The following MAD1L1 variants were observed in gnomAD, a reference collection of about 807,000 sequenced individuals.
MAD1L1 encodes the protein mitotic arrest deficient 1 like 1, also known as mitotic spindle assembly checkpoint protein MAD1.
In MAD1L1, 95 loss-of-function variants were observed where a neutral mutation model predicts 96.9. The ratio of observed to expected loss-of-function variants is 0.98; its 90% CI spans 0.83 to 1.16. MAD1L1 has a LOEUF of 1.16. Among genes scored for constraint, MAD1L1 ranks in the 50% most tolerant of loss-of-function variants. The pLI, the probability that MAD1L1 is intolerant of heterozygous loss-of-function variation, is 0.00. For missense variants in MAD1L1, 1,007 were observed against 954.4 expected, an observed-to-expected ratio of 1.06 and a Z score of -0.73; for synonymous variants, 473 against 396.6, an observed-to-expected ratio of 1.19 and a Z score of -2.29.
Position 1,884,094 on chromosome 7 carries a change from G to A in MAD1L1, c.1998+14106C>T, listed in dbSNP as rs971659623. 7.9e-5 allele frequency among the ~76,000 whole-genome samples: 12 copies of A among 152,364 alleles called. 1 individual carries two copies. The highest frequency in any genetic ancestry group is 3.4e-3 in the Middle Eastern group (1 of 294). The stretch of plus-strand genomic sequence containing the variant: ...ATTCGAGAGAGCATGTGGCCAACAG[G>A]AGGCAGCACTGGGACCGCAAGCCAG... On this transcript the variant is annotated intron_variant, in intron 18 of 18. Coordinates refer to ENST00000265854, the MANE Select transcript of MAD1L1 (RefSeq NM_001013836.2).
chr7:2,205,518 A>G (rs1792554050), intron 10 of MAD1L1, among the ~76,000 whole-genome samples: 1 of 152,074 alleles, frequency 6.6e-6, no homozygotes, highest in Admixed American at 6.5e-5. Context: ...CACCCCTATC[A>G]TTGCATCCCC....
chr7:1,914,020 TC>T (rs34116866), intron 17 of MAD1L1, among the ~76,000 whole-genome samples: 48,160 of 151,174 alleles, frequency 0.32, 8,552 homozygotes, highest in East Asian at 0.46. Flanking sequence ...TGGGCAGGTC[TC>T]CCCCCCCAGC....
At chr7:2,165,868 C>T (rs778532248) in intron 10 of MAD1L1, among the ~76,000 whole-genome samples, 51 of 152,270 alleles carry the variant, frequency 3.3e-4, no homozygotes, top group Admixed American at 7.8e-4. Flanking sequence ...TGCCCACAGC[C>T]CCGCTGACAA....
intron 15 of MAD1L1, among the ~76,000 whole-genome samples, chr7:1,965,087 A>G (rs1439366710): frequency 2.0e-5 from 3 of 152,208 alleles, no homozygotes; most frequent in Non-Finnish European, 4.4e-5. Context: ...CCACGTTTCC[A>G]GCCCTGATCA....
intron 12 of MAD1L1, among the ~76,000 whole-genome samples, chr7:2,047,004 C>T (rs2128514795): frequency 6.6e-6 from 1 of 152,338 alleles, no homozygotes; most frequent in African/African-American, 2.4e-5. Flanking sequence ...GAATGGCCAC[C>T]AGCGCGCACA....
chr7:2,013,827 C>CCG (rs1474845701), intron 13 of MAD1L1, among the ~76,000 whole-genome samples: 1 of 152,080 alleles, frequency 6.6e-6, no homozygotes, highest in Admixed American at 6.5e-5. Flanking sequence ...GACGTGGCCT[C>CCG]CGCCCAGGCC....
chr7:2,124,441 G>A (rs1788133378), intron 11 of MAD1L1, among the ~76,000 whole-genome samples: 1 of 152,238 alleles, frequency 6.6e-6, no homozygotes, highest in African/African-American at 2.4e-5. Flanking sequence ...TGGGAGATGA[G>A]TGGGCAGAAG....
intron 18 of MAD1L1, among the ~76,000 whole-genome samples, chr7:1,831,845 A>C (rs1357872981): frequency 6.6e-6 from 1 of 152,224 alleles, no homozygotes. Flanking sequence ...TGAATATTTT[A>C]AGCCCACTGT....
At chr7:1,985,405 A>G (rs4721282) in intron 14 of MAD1L1, among the ~76,000 whole-genome samples, 56,051 of 152,138 alleles carry the variant, frequency 0.37, 10,612 homozygotes, top group East Asian at 0.56. Context: ...TCTGCTGTGC[A>G]CAGATGCAGA....
At position 1,915,133 on chromosome 7, in the gene MAD1L1, G is replaced by C. The variant is rs533803289; in HGVS notation, c.1808-16743C>G. Reference sequence around the variant, plus strand: ...TTCATTCACCCAGCAGGTATGTGTGGAGAGGTGCTGGGCGCCTGGTAACAC... The same window carrying C: ...TTCATTCACCCAGCAGGTATGTGTGCAGAGGTGCTGGGCGCCTGGTAACAC... On this transcript the variant is annotated intron_variant, in intron 17 of 18. Transcript: ENST00000265854. Among the ~76,000 whole-genome samples the C allele has an allele frequency of 7.9e-5, 12 of 152,308 alleles. 1 individual carries two copies. In the South Asian group the frequency reaches 2.5e-3, roughly 32 times the overall value.
intron 12 of MAD1L1, among the ~76,000 whole-genome samples, chr7:2,037,363 C>T (rs757224287): frequency 7.9e-5 from 12 of 152,200 alleles, no homozygotes; most frequent in Non-Finnish European, 1.0e-4. Context: ...GACCCAGGCA[C>T]GCCTTGCTCT....
chr7:1,912,058 C>A (rs1283365972), intron 17 of MAD1L1, among the ~76,000 whole-genome samples: 1 of 152,228 alleles, frequency 6.6e-6, no homozygotes, highest in Non-Finnish European at 1.5e-5. Flanking sequence ...TGGCCAAACC[C>A]AGAAGTCTGC....
intron 11 of MAD1L1, among the ~76,000 whole-genome samples, chr7:2,112,614 A>C (rs917962191): frequency 2.0e-5 from 3 of 152,208 alleles, no homozygotes. Context: ...TGGGCTTCTC[A>C]AGACCAAGGA....
chr7:1,859,566 T>C lies in MAD1L1; in HGVS notation c.1998+38634A>G, dbSNP rs978192474. Among the ~76,000 whole-genome samples the C allele has an allele frequency of 3.9e-5, 6 of 152,168 alleles. 1 individual carries two copies. Among genetic ancestry groups the C allele is most frequent in the African/African-American group, 1.4e-4 (6 of 41,428 alleles). ...GGTGCCAGGACTTTATGTTTTTCTCTGGGGACCTTATGGCACCCATGATGG... is the reference window on the plus strand; with the variant it reads ...GGTGCCAGGACTTTATGTTTTTCTCCGGGGACCTTATGGCACCCATGATGG... On this transcript the variant is annotated intron_variant, in intron 18 of 18. Transcript: ENST00000265854.
chr7:1,844,845 G>C (rs889401269), intron 18 of MAD1L1, among the ~76,000 whole-genome samples: 3 of 149,428 alleles, frequency 2.0e-5, no homozygotes, highest in Admixed American at 2.0e-4. Flanking sequence ...TCCAGCACCT[G>C]AGCGTGTCCT....
chr7:1,899,254 G>T (rs769172669), intron 17 of MAD1L1, among the ~76,000 whole-genome samples: 2 of 152,208 alleles, frequency 1.3e-5, no homozygotes, highest in Admixed American at 6.5e-5. Flanking sequence ...GTTAAACCTC[G>T]ATTTATCCCC....
chr7:1,881,901 G>A (rs1016796790), intron 18 of MAD1L1, among the ~76,000 whole-genome samples: 12 of 152,230 alleles, frequency 7.9e-5, no homozygotes, highest in East Asian at 1.9e-4. Flanking sequence ...TATGAGGAAC[G>A]CTGTGATTTT....
At chr7:2,071,983 G>C (rs932518101) in intron 11 of MAD1L1, among the ~76,000 whole-genome samples, 1 of 152,226 alleles carries the variant, frequency 6.6e-6, no homozygotes, top group Non-Finnish European at 1.5e-5. Flanking sequence ...TTCGCAGTAA[G>C]CTTCATAATA....
intron 11 of MAD1L1, among the ~76,000 whole-genome samples, chr7:2,109,928 C>T (rs907050174): frequency 7.2e-5 from 11 of 152,192 alleles, no homozygotes; most frequent in African/African-American, 2.7e-4. Flanking sequence ...CAATATCCAC[C>T]CTTCTCCACA....
Sources: allele counts gnomAD v4.1 joint callset (sites outside exome capture counted in the v4.1 genomes callset), GRCh38; gene constraint gnomAD v4.1.1; transcripts MANE v1.5; gene names NCBI Gene and HGNC (gene_info 2026-07-23, HGNC 2026-07-21).